Variants in CREBRF observed in about 807,000 individuals in gnomAD.
CREBRF encodes CREB3 regulatory factor.
In CREBRF, 5 loss-of-function variants were observed where a neutral mutation model predicts 66.1. The ratio of observed to expected loss-of-function variants is 0.08; its 90% CI spans 0.04 to 0.16. The LOEUF (loss-of-function observed/expected upper bound fraction) is 0.16, where lower values mean the gene tolerates loss of function less well. CREBRF is among the 10% of genes least tolerant of loss of function. The pLI, the probability that CREBRF is intolerant of heterozygous loss-of-function variation, is 1.00. For missense variants in CREBRF, 531 were observed against 744.9 expected, an observed-to-expected ratio of 0.71 and a Z score of 3.34; for synonymous variants, 229 against 264.4, an observed-to-expected ratio of 0.87 and a Z score of 1.30.
intron 1 of CREBRF, among the ~76,000 whole-genome samples, chr5:173,075,560 C>T (rs1191763799): frequency 6.6e-6 from 1 of 152,096 alleles, no homozygotes; most frequent in Non-Finnish European, 1.5e-5. Context: ...TGAAGTATAG[C>T]AGGATGGATA....
rs374843392 is a variant in CREBRF at position 173,093,111 on chromosome 5, G to A, written c.1222+1710G>A. On this transcript the variant is annotated intron_variant, in intron 4 of 8. Coordinates refer to ENST00000296953, the MANE Select transcript of CREBRF (RefSeq NM_153607.3). The stretch of plus-strand genomic sequence containing the variant: ...GATTGGTCCTGTTGCTTTGAGTCTC[G>A]TATTTAGGAGCAGGGAGGGGAAGGG... Among the ~76,000 whole-genome samples, 11 of 152,220 alleles carry A rather than the reference G, an allele frequency of 7.2e-5. No individual in the cohort carries two copies. The East Asian group carries it at 7.7e-4, about 11-fold the overall frequency.
chr5:173,115,753 C>T (rs377352276), intron 7 of CREBRF, among the ~76,000 whole-genome samples: 2 of 152,184 alleles, frequency 1.3e-5, no homozygotes, highest in East Asian at 1.9e-4. Context: ...TACAGGCACC[C>T]GCCACCACGC....
chr5:173,060,001 G>A (rs1757219821), intron 1 of CREBRF, among the ~76,000 whole-genome samples: 2 of 152,268 alleles, frequency 1.3e-5, no homozygotes, highest in African/African-American at 4.8e-5. Context: ...GGGTGGATGT[G>A]TGTGGGTTCT....
At chr5:173,108,932 T>G (rs116460413) in intron 5 of CREBRF, 114 bp downstream of exon 5, 1 of 884,662 alleles carries the variant, frequency 1.1e-6, no homozygotes, top group Admixed American at 2.6e-5. Flanking sequence ...AAACTGGAGA[T>G]GGGGACTGTA....
intron 7 of CREBRF, among the ~76,000 whole-genome samples, chr5:173,115,972 C>T (rs761046792): frequency 2.6e-5 from 4 of 152,186 alleles, no homozygotes; most frequent in Admixed American, 6.5e-5. Flanking sequence ...AGATTGGCCC[C>T]TTCTCAGTAT....
intron 1 of CREBRF, among the ~76,000 whole-genome samples, chr5:173,070,104 GCTGGTCTTGAACTC>G (rs1446148106): frequency 1.3e-5 from 2 of 152,034 alleles, no homozygotes; most frequent in African/African-American, 4.8e-5. Context: ...TGTTGGCCAG[GCTGGTCTTGAACTC>G]CTGATCTCAA....
At chr5:173,089,111 A>T (rs1758249990) in intron 3 of CREBRF, among the ~76,000 whole-genome samples, 1 of 145,112 alleles carries the variant, frequency 6.9e-6, no homozygotes, top group South Asian at 2.4e-4. Flanking sequence ...CTGGAGGAGG[A>T]GGTTGCAGTG....
chr5:173,110,528 A>G lies in CREBRF; in HGVS notation c.1424A>G (p.Tyr475Cys), dbSNP rs1448047103. The change falls in exon 6 of 9, where the codon TAT (tyrosine) becomes TGT (cysteine). Residue 475 changes from tyrosine (Y) to cysteine (C), a missense_variant. Tyr to Cys is a radical substitution (Grantham distance 194, BLOSUM62 -2). Coordinates refer to ENST00000296953, the MANE Select transcript of CREBRF (RefSeq NM_153607.3). ...YQKNGLHHGK[Y>C]AVKKSRRTDV... ...TCTTTTAAACTGTTTATAGGAAAAT[A>G]TGCAGTAAAGAAGTCACGGAGAACT... 6.2e-7 allele frequency: 1 copy of G among 1,610,360 alleles called. No homozygotes were observed. The highest frequency in any genetic ancestry group is 8.5e-7 in the Non-Finnish European group (1 of 1,176,592).
At chr5:173,057,008 T>C (rs1581647256) in intron 1 of CREBRF, among the ~76,000 whole-genome samples, 1 of 126,990 alleles carries the variant, frequency 7.9e-6, no homozygotes, top group South Asian at 2.5e-4. Flanking sequence ...AGGCGCGGGC[T>C]GGGGCTAGGG....
At chr5:173,112,946 G>A (rs1425557850) in intron 7 of CREBRF, among the ~76,000 whole-genome samples, 1 of 152,154 alleles carries the variant, frequency 6.6e-6, no homozygotes, top group African/African-American at 2.4e-5. Flanking sequence ...ATTAGATTGT[G>A]TACAAGTAGA....
intron 4 of CREBRF, among the ~76,000 whole-genome samples, chr5:173,093,608 C>T (rs2113744009): frequency 6.6e-6 from 1 of 152,280 alleles, no homozygotes; most frequent in South Asian, 2.1e-4. Context: ...CCTCTGCTTC[C>T]CTGGCTCAAG....
intron 1 of CREBRF, among the ~76,000 whole-genome samples, chr5:173,058,303 C>T (rs1379987967): frequency 1.3e-5 from 2 of 152,084 alleles, no homozygotes; most frequent in Non-Finnish European, 1.5e-5. Flanking sequence ...CCTGTGGCTA[C>T]GTTGGTATTG....
rs764544639 is a variant in CREBRF at position 173,110,717 on chromosome 5, T to C, written c.1607+6T>C. 1.9e-6 allele frequency: 3 copies of C among 1,601,684 alleles called. No individual in the cohort carries two copies. The highest frequency in any genetic ancestry group is 8.5e-7 in the Non-Finnish European group (1 of 1,175,898). ...AAAAATAAGCTGGCTTCCAGGTAAA[T>C]GCTAATAATGTTCACTCATGTGAAG... is the stretch of plus-strand genomic sequence containing the variant. On this transcript the variant is annotated splice_donor_region_variant and intron_variant, in intron 6 of 8. Transcript: ENST00000296953.
intron 2 of CREBRF, among the ~76,000 whole-genome samples, chr5:173,082,796 C>A (rs1235957437): frequency 1.3e-5 from 2 of 151,026 alleles, no homozygotes; most frequent in Non-Finnish European, 2.9e-5. Flanking sequence ...GTAGTCCCAG[C>A]TACTCAGAAG....
intron 1 of CREBRF, among the ~76,000 whole-genome samples, chr5:173,073,980 A>AAAAT (rs56812993): frequency 8.5e-4 from 128 of 150,058 alleles, no homozygotes; most frequent in South Asian, 3.4e-3. Context: ...ATAAAAAATA[A>AAAAT]AAATAAATAA....
At chr5:173,124,878 C>G (rs995387042) in intron 8 of CREBRF, among the ~76,000 whole-genome samples, 2 of 148,298 alleles carry the variant, frequency 1.3e-5, no homozygotes, top group East Asian at 3.9e-4. Flanking sequence ...TTTCTTTTCT[C>G]TTTTCTTCTT....
chr5:173,080,734 A>T lies in CREBRF; in HGVS notation c.-42A>T, dbSNP rs1439254278. On this transcript the variant is annotated 5_prime_UTR_variant, in exon 2 of 9. Coordinates refer to ENST00000296953, the MANE Select transcript of CREBRF (RefSeq NM_153607.3). ...GGAAAGGAATTTACAAACAAGAAAA[A>T]AAAGAAGTTTGGAATCGGATTCACA... The T allele has an allele frequency of 1.9e-6, 3 of 1,607,972 alleles. No individual in the cohort carries two copies. The highest frequency in any genetic ancestry group is 1.7e-6 in the Non-Finnish European group (2 of 1,175,896).
chr5:173,072,031 G>T (rs1475288882), intron 1 of CREBRF, among the ~76,000 whole-genome samples: 2 of 152,078 alleles, frequency 1.3e-5, no homozygotes, highest in African/African-American at 4.8e-5. Flanking sequence ...CTCCAGTGTA[G>T]GTGACAGAGC....
intron 7 of CREBRF, among the ~76,000 whole-genome samples, chr5:173,117,521 T>TCCCCTCCCCC (rs1561814531): frequency 3.7e-5 from 2 of 53,968 alleles, no homozygotes; most frequent in African/African-American, 7.5e-5. Context: ...TTCCCTTCCC[T>TCCCCTCCCCC]CCCCTCCCCT....
Sources: gnomAD v4.1 joint callset for allele counts (sites outside exome capture counted in the v4.1 genomes callset) on GRCh38, gnomAD v4.1.1 for gene constraint, MANE v1.5 for transcripts, NCBI Gene and HGNC (gene_info 2026-07-23, HGNC 2026-07-21) for gene names.